CRMP1: variants seen among roughly 807,000 people sequenced by gnomAD.
CRMP1 encodes dihydropyrimidinase-related protein 1.
In CRMP1, 19 loss-of-function variants were observed where a neutral mutation model predicts 68.3. That is an observed-to-expected ratio of 0.28 (90% CI 0.19 to 0.41). The LOEUF (loss-of-function observed/expected upper bound fraction) is 0.41, where lower values mean the gene tolerates loss of function less well. CRMP1 is among the 10% of genes least tolerant of loss of function. The pLI, the probability that CRMP1 is intolerant of heterozygous loss-of-function variation, is 1.00. For missense variants in CRMP1, 791 were observed against 967.4 expected, an observed-to-expected ratio of 0.82 and a Z score of 2.42; for synonymous variants, 439 against 399.6, an observed-to-expected ratio of 1.10 and a Z score of -1.18.
intron 12 of CRMP1, 159 bp downstream of exon 12, chr4:5,828,330 G>A: frequency 1.0e-6 from 1 of 985,122 alleles, no homozygotes; most frequent in Non-Finnish European, 1.2e-6. Flanking sequence ...CCTCAGACAG[G>A]AGCCCAGGCC....
Position 5,824,583 on chromosome 4 carries a change from G to A in CRMP1, c.1969+911C>T, listed in dbSNP as rs145049801. 1,130 of 962,998 alleles carry A rather than the reference G, an allele frequency of 1.2e-3. 9 individuals carry two copies. In the African/African-American group the frequency reaches 0.018, roughly 15 times the overall value. 59.7% of individuals were successfully genotyped at this position (962,998 alleles called of 1,614,324 possible). A position where few individuals can be genotyped will look rare whatever the true frequency, so the allele number is the denominator to read the frequency against. Reference sequence around the variant, plus strand: ...GCAAACGGGTCCATTGACCAAATCCGGCCCACCGCCTGTTTCTGTACGATC... The same window carrying A: ...GCAAACGGGTCCATTGACCAAATCCAGCCCACCGCCTGTTTCTGTACGATC... On this transcript the variant is annotated intron_variant, in intron 13 of 13. Coordinates refer to ENST00000324989, the MANE Select transcript of CRMP1 (RefSeq NM_001014809.3).
intron 5 of CRMP1, among the ~76,000 whole-genome samples, chr4:5,849,753 T>C (rs1432215280): frequency 6.6e-6 from 1 of 152,196 alleles, no homozygotes; most frequent in Admixed American, 6.5e-5. Context: ...TCTCAGTGCC[T>C]ATCTATGCCT....
Position 5,839,541 on chromosome 4 carries a change from A to T in CRMP1, c.1291T>A (p.Leu431Met), listed in dbSNP as rs1711541174. 6.2e-7 allele frequency: 1 copy of T among 1,610,544 alleles called. No individual in the cohort carries two copies. The highest frequency in any genetic ancestry group is 8.5e-7 in the Non-Finnish European group (1 of 1,178,582). Residue 431 changes from leucine to methionine, a missense_variant, in exon 9 of 14, where the codon TTG (leucine) becomes ATG (methionine). Leu to Met is a conservative substitution (Grantham distance 15, BLOSUM62 2). Transcript: ENST00000324989. ...TCTCACCAGGCCAGTAGGGAGGTCA[A>T]GTAGTCGGGCGTGGTAGGGTCCGGG... is the stretch of plus-strand genomic sequence containing the variant. ...LSPDPTTPDY[L>M]TSLLACGDLQ... is the part of the protein sequence containing the mutation.
rs144078870 is a variant in CRMP1, at chr4:5,858,326, G to A, written c.656-2019C>T. 2.4e-4 allele frequency among the ~76,000 whole-genome samples: 35 copies of A among 144,708 alleles called. No homozygotes were observed. Among genetic ancestry groups the A allele is most frequent in the African/African-American group, 8.7e-4 (34 of 38,896 alleles). The allele number at this position is 144,708 out of a possible 152,430, so 94.9% of individuals were successfully genotyped here. A position where few individuals can be genotyped will look rare whatever the true frequency, so the allele number is the denominator to read the frequency against. On this transcript the variant is annotated intron_variant, in intron 3 of 13. Transcript: ENST00000324989. The surrounding 1 kb of genome is among the most constrained non-coding windows in gnomAD (Gnocchi z 5.5). ...TCTGAGCTACAGAACTCTGAACCCG[G>A]TTGTGTTCTTGGCTTCTCCACCGAG... is the stretch of plus-strand genomic sequence containing the variant.
At chr4:5,884,186 G>C (rs1294420001) in intron 1 of CRMP1, among the ~76,000 whole-genome samples, 2 of 152,154 alleles carry the variant, frequency 1.3e-5, no homozygotes, top group Non-Finnish European at 2.9e-5. Context: ...AATCACTGTG[G>C]ACATCTCAAA....
At chr4:5,824,870 A>G (rs3774883) in intron 13 of CRMP1, 196,449 of 985,144 alleles carry the variant, frequency 0.2, 30,403 homozygotes, top group African/African-American at 0.78. Context: ...TCACCAAATC[A>G]CAGATACACT....
rs1207492158 is a variant in CRMP1, at chr4:5,825,243, T to G, written c.1969+251A>C. 1.0e-6 allele frequency: 1 copy of G among 985,218 alleles called. No individual in the cohort carries two copies. Among genetic ancestry groups the G allele is most frequent in the African/African-American group, 1.7e-5 (1 of 57,198 alleles). 61.0% of individuals were successfully genotyped at this position (985,218 alleles called of 1,614,324 possible). On this transcript the variant is annotated intron_variant, in intron 13 of 13. Transcript: ENST00000324989. This position sits in a 1 kb window ranked among gnomAD's most constrained non-coding sequence, Gnocchi z 4.4. The stretch of plus-strand genomic sequence containing the variant: ...TGTAAGGATGAGCACTGGGACAATT[T>G]TGGTACCTCTCTTTGTAAACCCACA...
chr4:5,870,447 G>C lies in CRMP1; in HGVS notation c.382-3691C>G, dbSNP rs902242840. ...GCATGACACAGGCGTTGGTGGGGAC[G>C]GCACTGCCTGGAGTTTGCACAGCAC... On this transcript the variant is annotated intron_variant, in intron 1 of 13. Transcript: ENST00000324989. The surrounding 1 kb of genome is among the most constrained non-coding windows in gnomAD (Gnocchi z 6.0). 6.6e-6 allele frequency among the ~76,000 whole-genome samples: 1 copy of C among 152,220 alleles called. No individual in the cohort carries two copies. The highest frequency in any genetic ancestry group is 1.5e-5 in the Non-Finnish European group (1 of 68,034).
chr4:5,842,047 G>A lies in CRMP1; in HGVS notation c.1033-619C>T, dbSNP rs1050574552. Among the ~76,000 whole-genome samples, 11 of 152,162 alleles carry A rather than the reference G, an allele frequency of 7.2e-5. No individual in the cohort carries two copies. The highest frequency in any genetic ancestry group is 2.7e-4 in the African/African-American group (11 of 41,450). On this transcript the variant is annotated intron_variant, in intron 7 of 13. Coordinates refer to ENST00000324989, the MANE Select transcript of CRMP1 (RefSeq NM_001014809.3). The surrounding 1 kb of genome is among the most constrained non-coding windows in gnomAD (Gnocchi z 4.5). ...GAGGTCAGGAGATCGAGACCATCCT[G>A]GCTAACACGGTGAAACCCTGTCTCT...
At chr4:5,840,351 C>T (rs1423793202) in intron 8 of CRMP1, among the ~76,000 whole-genome samples, 4 of 152,212 alleles carry the variant, frequency 2.6e-5, no homozygotes, top group Non-Finnish European at 5.9e-5. Context: ...TCCAGAAAAG[C>T]CTGCAGGCAG....
chr4:5,849,724 G>A (rs953318334), intron 5 of CRMP1, among the ~76,000 whole-genome samples: 3 of 152,078 alleles, frequency 2.0e-5, no homozygotes, highest in Non-Finnish European at 4.4e-5. Context: ...GTCACCCCAG[G>A]GCATGAAGAC....
In CRMP1 at chr4:5,860,933, G is replaced by C. The variant is rs148421876; in HGVS notation, c.655+93C>G. 7.6e-7 allele frequency: 1 copy of C among 1,311,868 alleles called. No individual in the cohort carries two copies. The highest frequency in any genetic ancestry group is 1.5e-5 in the African/African-American group (1 of 68,564). The allele number at this position is 1,311,868 out of a possible 1,614,324, so 81.3% of individuals were successfully genotyped here. A position where few individuals can be genotyped will look rare whatever the true frequency, so the allele number is the denominator to read the frequency against. ...ATGAAATCCAATGGCACCCTGGGCA[G>C]AGAGCCTCGAACACACTGAGCACTT... On this transcript the variant is annotated intron_variant, in intron 3 of 13. Transcript: ENST00000324989. The surrounding 1 kb of genome is among the most constrained non-coding windows in gnomAD (Gnocchi z 4.2).
Position 5,825,965 on chromosome 4 carries a change from C to T in CRMP1, c.1804-306G>A. ...ATGCACACATATATGCATGCACATG[C>T]AGTAACAAAACAGGCCTACACAGTA... On this transcript the variant is annotated intron_variant, in intron 12 of 13. Coordinates refer to ENST00000324989, the MANE Select transcript of CRMP1 (RefSeq NM_001014809.3). This position sits in a 1 kb window ranked among gnomAD's most constrained non-coding sequence, Gnocchi z 4.4. The T allele has an allele frequency of 2.3e-6, 1 of 427,462 alleles. No homozygotes were observed. The highest frequency in any genetic ancestry group is 2.8e-5 in the South Asian group (1 of 35,374). The allele number at this position is 427,462 out of a possible 1,614,324, so 26.5% of individuals were successfully genotyped here. A position where few individuals can be genotyped will look rare whatever the true frequency, so the allele number is the denominator to read the frequency against.
At position 5,841,361 on chromosome 4, in the gene CRMP1, G is replaced by C. The variant is rs1230574363; in HGVS notation, c.1100C>G (p.Thr367Ser). 6.2e-7 allele frequency: 1 copy of C among 1,614,036 alleles called. No homozygotes were observed. Among genetic ancestry groups the C allele is most frequent in the Non-Finnish European group, 8.5e-7 (1 of 1,180,032 alleles). ...AGRINCPVYITKVMSKSAADI... is the reference protein window; with the variant it reads ...AGRINCPVYISKVMSKSAADI... ...GGCTGCACTCTTGCTCATGACCTTG[G>C]TGATGTACACAGGGCAGTTGATCCG... The change falls in exon 8 of 14, where the codon ACC becomes AGC. Residue 367 changes from threonine to serine, a missense_variant. This residue lies in a region of CRMP1 where 594 missense variants were observed against 763.6 expected (regional missense o/e 0.78). Coordinates refer to ENST00000324989, the MANE Select transcript of CRMP1 (RefSeq NM_001014809.3). The surrounding 1 kb of genome is among the most constrained non-coding windows in gnomAD (Gnocchi z 6.9).
chr4:5,863,669 A>G (rs1305270937), intron 2 of CRMP1, among the ~76,000 whole-genome samples: 1 of 152,142 alleles, frequency 6.6e-6, no homozygotes, highest in African/African-American at 2.4e-5. Context: ...CCGGCACTAG[A>G]TTCACCAAGG....
Position 5,866,808 on chromosome 4 carries a change from G to A in CRMP1, c.382-52C>T, listed in dbSNP as rs534238362. ...ATCCTTGGTGAAAAGCCAGGATAAA[G>A]TTTTTTCTTTTTAATTTTTAATATA... On this transcript the variant is annotated intron_variant, in intron 1 of 13. Transcript: ENST00000324989. This position sits in a 1 kb window ranked among gnomAD's most constrained non-coding sequence, Gnocchi z 5.9. The A allele has an allele frequency of 1.6e-4, 222 of 1,349,432 alleles. 1 individual carries two copies. The highest frequency in any genetic ancestry group is 3.9e-4 in the South Asian group (28 of 72,526). 83.6% of individuals were successfully genotyped at this position (1,349,432 alleles called of 1,614,324 possible).
At chr4:5,849,522 ATC>A in intron 5 of CRMP1, 50 bp from the exon 6 acceptor site, 5 of 1,224,562 alleles carry the variant, frequency 4.1e-6, no homozygotes, top group Non-Finnish European at 5.9e-6. Context: ...AAAAAAAAAA[ATC>A]ACAGCGTGTG....
Position 5,825,837 on chromosome 4 carries a change from A to T in CRMP1, c.1804-178T>A, listed in dbSNP as rs1719489946. 1 of 626,674 alleles carries T rather than the reference A, an allele frequency of 1.6e-6. No homozygotes were observed. Among genetic ancestry groups the T allele is most frequent in the South Asian group, 2.1e-5 (1 of 48,780 alleles). The allele number at this position is 626,674 out of a possible 1,614,324, so 38.8% of individuals were successfully genotyped here. ...ACTTCACACACATGCAGCCGCACAC[A>T]GGCATTCATACACACAAGCATGCAT... is the stretch of plus-strand genomic sequence containing the variant. On this transcript the variant is annotated intron_variant, in intron 12 of 13. Coordinates refer to ENST00000324989, the MANE Select transcript of CRMP1 (RefSeq NM_001014809.3). The surrounding 1 kb of genome is among the most constrained non-coding windows in gnomAD (Gnocchi z 4.4).
At chr4:5,887,261 T>C in intron 1 of CRMP1, 1 of 784,880 alleles carries the variant, frequency 1.3e-6, no homozygotes, top group South Asian at 5.8e-5. Context: ...GCCCTGCGAC[T>C]GTCCAGGAGC....
Sources: allele counts gnomAD v4.1 joint callset (sites outside exome capture counted in the v4.1 genomes callset), GRCh38; gene constraint gnomAD v4.1.1; regional missense constraint gnomAD v4.1.1; non-coding constraint Gnocchi (gnomAD v3.1); transcripts MANE v1.5; gene names NCBI Gene and HGNC (gene_info 2026-07-23, HGNC 2026-07-21).